The following GFRA1 variants were observed in gnomAD, a reference collection of about 807,000 sequenced individuals.
GFRA1 encodes the protein GDNF family receptor alpha-1.
A neutral mutation model predicts 51.6 loss-of-function variants in GFRA1; 16 were observed. The observed-to-expected ratio is 0.31, with a 90% CI of 0.21 to 0.47. The LOEUF (loss-of-function observed/expected upper bound fraction) is 0.47, where lower values mean the gene tolerates loss of function less well. Among genes scored for constraint, GFRA1 ranks in the 20% least tolerant of loss-of-function variants. GFRA1 has a pLI of 1.00. For missense variants in GFRA1, 530 were observed against 594.3 expected (o/e 0.89, Z 1.13); for synonymous variants, 270 against 241.3 (o/e 1.12, Z -1.10).
chr10:116,122,578 A>G (rs374459993), intron 6 of GFRA1, among the ~76,000 whole-genome samples: 36 of 152,286 alleles, frequency 2.4e-4, no homozygotes, highest in African/African-American at 8.4e-4. Context: ...CAGGAAAGCA[A>G]TTTGATCTAA....
At chr10:116,069,909 T>G (rs1458007772) in intron 9 of GFRA1, among the ~76,000 whole-genome samples, 2 of 152,228 alleles carry the variant, frequency 1.3e-5, no homozygotes, top group South Asian at 2.1e-4. Flanking sequence ...ATTGGAGACT[T>G]AAAAGTGCAC....
chr10:116,169,491 A>C (rs1234236346), intron 5 of GFRA1, among the ~76,000 whole-genome samples: 1 of 152,230 alleles, frequency 6.6e-6, no homozygotes, highest in African/African-American at 2.4e-5. Context: ...TGTGCTCATA[A>C]AAATCCAAAG....
chr10:116,095,428 T>G (rs1269135696), intron 7 of GFRA1, among the ~76,000 whole-genome samples: 1 of 152,228 alleles, frequency 6.6e-6, no homozygotes, highest in Non-Finnish European at 1.5e-5. Context: ...CTTTTGTTAT[T>G]TCTGCAATTC....
At chr10:116,069,854 G>A (rs1955296071) in intron 9 of GFRA1, among the ~76,000 whole-genome samples, 1 of 152,180 alleles carries the variant, frequency 6.6e-6, no homozygotes, top group Admixed American at 6.5e-5. Flanking sequence ...CCAAGCTCTG[G>A]GGACAGGTCA....
intron 5 of GFRA1, among the ~76,000 whole-genome samples, chr10:116,197,861 G>A (rs1964018269): frequency 6.6e-6 from 1 of 152,186 alleles, no homozygotes; most frequent in Admixed American, 6.5e-5. Flanking sequence ...GAGTGCTGAG[G>A]CATGCGTGGG....
chr10:116,222,787 A>G (rs746002309), intron 4 of GFRA1, among the ~76,000 whole-genome samples: 1 of 152,212 alleles, frequency 6.6e-6, no homozygotes, highest in Non-Finnish European at 1.5e-5. Flanking sequence ...AATAAAATAT[A>G]CAGTCAGACC....
intron 6 of GFRA1, among the ~76,000 whole-genome samples, chr10:116,123,679 C>T (rs1167322358): frequency 1.3e-5 from 2 of 152,134 alleles, no homozygotes; most frequent in African/African-American, 4.8e-5. Flanking sequence ...ACTGGCTTAG[C>T]ATATATTGAG....
chr10:116,230,656 C>G (rs2134561428), intron 4 of GFRA1, among the ~76,000 whole-genome samples: 1 of 151,988 alleles, frequency 6.6e-6, no homozygotes, highest in Non-Finnish European at 1.5e-5. Context: ...TAGACAGAGG[C>G]CATACGTACA....
At position 116,058,041 on chromosome 10, in the gene GFRA1, T is replaced by TGTGTGTGTGTGA. The variant is rs557175351; in HGVS notation, c.*6356_*6357insTCACACACACAC. 3 of 108,510 alleles carry TGTGTGTGTGTGA rather than the reference T, an allele frequency of 2.8e-5. No homozygotes were observed. Among genetic ancestry groups the TGTGTGTGTGTGA allele is most frequent in the Admixed American group, 9.8e-5 (1 of 10,234 alleles). The allele number at this position is 108,510 out of a possible 1,614,324, so 6.7% of individuals were successfully genotyped here. On this transcript the variant is annotated 3_prime_UTR_variant, in exon 11 of 11. Coordinates refer to ENST00000355422, the MANE Select transcript of GFRA1 (RefSeq NM_005264.8). ...GTGTGTGTGTGTGTGTGTGTGTGTG[T>TGTGTGTGTGTGA]GACAGAGAGAACCACGCTTTATTGG...
chr10:116,271,363 G>T (rs935649034), intron 2 of GFRA1, among the ~76,000 whole-genome samples: 4 of 152,238 alleles, frequency 2.6e-5, no homozygotes, highest in African/African-American at 9.6e-5. Flanking sequence ...GGCTTCAAGG[G>T]TTTGCTCCAG....
intron 6 of GFRA1, among the ~76,000 whole-genome samples, chr10:116,101,803 G>A (rs930155904): frequency 3.3e-5 from 5 of 152,190 alleles, no homozygotes; most frequent in African/African-American, 1.2e-4. Flanking sequence ...ACTGAGAATT[G>A]TAAGATGTTG....
At position 116,077,640 on chromosome 10, in the gene GFRA1, A is replaced by T. The variant is rs1321444140; in HGVS notation, c.1198-12014T>A. On this transcript the variant is annotated intron_variant, in intron 9 of 10. Coordinates refer to ENST00000355422, the MANE Select transcript of GFRA1 (RefSeq NM_005264.8). Reference sequence around the variant, plus strand: ...CTTTACTGCTGATAAAATAATCTTAAATTACAGTATTATGTATTCTAACAA... The same window carrying T: ...CTTTACTGCTGATAAAATAATCTTATATTACAGTATTATGTATTCTAACAA... Among the ~76,000 whole-genome samples, 3 of 152,262 alleles carry T rather than the reference A, an allele frequency of 2.0e-5. No individual in the cohort carries two copies. The East Asian group carries it at 5.8e-4, about 29-fold the overall frequency.
intron 6 of GFRA1, among the ~76,000 whole-genome samples, chr10:116,112,358 C>T (rs758275545): frequency 2.0e-5 from 3 of 152,128 alleles, no homozygotes; most frequent in Admixed American, 6.5e-5. Context: ...CCGGCTTTTC[C>T]GATTCTAAGG....
chr10:116,244,326 T>TTTTATTTCATTTAAC (rs1967676425), intron 4 of GFRA1, among the ~76,000 whole-genome samples: 7 of 125,246 alleles, frequency 5.6e-5, no homozygotes, highest in African/African-American at 2.1e-4. Flanking sequence ...TAATATATAA[T>TTTTATTTCATTTAAC]TTTAATAATT....
chr10:116,273,533 A>C (rs1454433602), upstream of GFRA1: 4 of 152,678 alleles, frequency 2.6e-5, no homozygotes, highest in African/African-American at 9.7e-5. Context: ...CTCGCCCGCC[A>C]GGCAGCCGCA....
chr10:116,083,575 C>T (rs1036388308), intron 9 of GFRA1, among the ~76,000 whole-genome samples: 8 of 152,218 alleles, frequency 5.3e-5, no homozygotes, highest in African/African-American at 1.9e-4. Context: ...AAATGATTTA[C>T]AGAACACCCA....
At chr10:116,195,252 T>A (rs1963633472) in intron 5 of GFRA1, among the ~76,000 whole-genome samples, 1 of 152,214 alleles carries the variant, frequency 6.6e-6, no homozygotes, top group African/African-American at 2.4e-5. Flanking sequence ...AGCACTATCT[T>A]TTTTGTTATG....
At chr10:116,149,062 G>GT (rs1958954126) in intron 5 of GFRA1, among the ~76,000 whole-genome samples, 1 of 152,078 alleles carries the variant, frequency 6.6e-6, no homozygotes, top group South Asian at 2.1e-4. Flanking sequence ...GCAATGAGCA[G>GT]TAAGTTCTCT....
At chr10:116,188,748 A>C (rs940879849) in intron 5 of GFRA1, among the ~76,000 whole-genome samples, 1 of 151,870 alleles carries the variant, frequency 6.6e-6, no homozygotes, top group Non-Finnish European at 1.5e-5. Flanking sequence ...AAATACAAAA[A>C]AAGTTAGCCG....
Sources: gnomAD v4.1 joint callset for allele counts (sites outside exome capture counted in the v4.1 genomes callset) on GRCh38, gnomAD v4.1.1 for gene constraint, MANE v1.5 for transcripts, NCBI Gene and HGNC (gene_info 2026-07-23, HGNC 2026-07-21) for gene names.